The following RFX4 variants were observed in gnomAD, a reference collection of about 807,000 sequenced individuals.
The protein encoded by RFX4 is regulatory factor X4, also known as transcription factor RFX4.
In RFX4, 10 loss-of-function variants were observed where a neutral mutation model predicts 95.0. The observed-to-expected ratio is 0.11, with a 90% confidence interval of 0.06 to 0.18. The LOEUF (loss-of-function observed/expected upper bound fraction) is 0.18, where lower values mean the gene tolerates loss of function less well. Ranked by LOEUF, RFX4 falls within the 10% of genes least tolerant of loss-of-function variation. The pLI is 1.00. For missense variants in RFX4, 640 were observed against 922.0 expected (o/e 0.69, Z 3.96); for synonymous variants, 321 against 340.7 (o/e 0.94, Z 0.64).
In RFX4 at chr12:106,696,364, A is replaced by T; in HGVS notation, c.751A>T (p.Ile251Phe). The change falls in exon 8 of 18, where the codon ATT (isoleucine) becomes TTT (phenylalanine). Residue 251 changes from isoleucine (I) to phenylalanine (F), a missense_variant. Coordinates refer to ENST00000392842, the MANE Select transcript of RFX4 (RefSeq NM_213594.3). The stretch of plus-strand genomic sequence containing the variant: ...GCTGGGCTCCTCCACGGTGGTGAAC[A>T]TTGTCGGCGTGTGTGACTCCATCCT... Reference protein sequence around the residue: ...PVLGSSTVVNIVGVCDSILYK... With the variant: ...PVLGSSTVVNFVGVCDSILYK... The T allele has an allele frequency of 6.2e-7, 1 of 1,614,072 alleles. No homozygotes were observed. The highest frequency in any genetic ancestry group is 8.5e-7 in the Non-Finnish European group (1 of 1,180,002).
intron 6 of RFX4, among the ~76,000 whole-genome samples, chr12:106,688,876 T>C (rs1328873027): frequency 6.6e-6 from 1 of 152,186 alleles, no homozygotes; most frequent in Non-Finnish European, 1.5e-5. Flanking sequence ...ATTTTAACTT[T>C]CTAGTGGTCT....
intron 2 of RFX4, among the ~76,000 whole-genome samples, chr12:106,632,171 T>G (rs1400241976): frequency 6.6e-6 from 1 of 152,194 alleles, no homozygotes; most frequent in Admixed American, 6.5e-5. Context: ...GCAGAGATGC[T>G]CACCACTGCA....
At chr12:106,731,031 A>C (rs2042602671) in intron 13 of RFX4, among the ~76,000 whole-genome samples, 1 of 152,114 alleles carries the variant, frequency 6.6e-6, no homozygotes, top group South Asian at 2.1e-4. Flanking sequence ...AGCAAACTAG[A>C]AGGAAATGGG....
chr12:106,677,925 G>T (rs1280987615), intron 4 of RFX4, among the ~76,000 whole-genome samples: 1 of 152,166 alleles, frequency 6.6e-6, no homozygotes, highest in Non-Finnish European at 1.5e-5. Flanking sequence ...GAAGAGAGGA[G>T]TCAGGGAGGA....
chr12:106,754,332 A>G (rs1278900032), intron 17 of RFX4, among the ~76,000 whole-genome samples: 1 of 152,218 alleles, frequency 6.6e-6, no homozygotes, highest in African/African-American at 2.4e-5. Flanking sequence ...GCAACAGCCT[A>G]GATCACTCCG....
intron 8 of RFX4, among the ~76,000 whole-genome samples, chr12:106,698,786 A>T (rs1270834603): frequency 6.6e-6 from 1 of 151,492 alleles, no homozygotes; most frequent in Non-Finnish European, 1.5e-5. Context: ...TTCCCGATGT[A>T]GGTAATTTGT....
chr12:106,696,406 G>C lies in RFX4; in HGVS notation c.793G>C (p.Gly265Arg). 1 of 1,614,074 alleles carries C rather than the reference G, an allele frequency of 6.2e-7. No homozygotes were observed. The highest frequency in any genetic ancestry group is 8.5e-7 in the Non-Finnish European group (1 of 1,180,006). The change falls in exon 8 of 18, where the codon GGG (glycine) becomes CGG (arginine). Residue 265 changes from glycine to arginine, a missense_variant. Around this residue, in one of 7 missense-constraint regions of RFX4, gnomAD observed 96 missense variants for 183.7 expected, o/e 0.52. Transcript: ENST00000392842. ...CDSILYKAISGVLMPTVLQAL... is the reference protein window; with the variant it reads ...CDSILYKAISRVLMPTVLQAL... ...CTCCATCCTCTACAAAGCTATCTCC[G>C]GGGTGCTGATGCCCACTGTGCTGCA...
At chr12:106,607,951 G>A (rs2039872296) in intron 1 of RFX4, among the ~76,000 whole-genome samples, 1 of 152,172 alleles carries the variant, frequency 6.6e-6, no homozygotes. Context: ...CCAGCACTTT[G>A]GGAGGCCGAG....
intron 15 of RFX4, among the ~76,000 whole-genome samples, chr12:106,739,502 A>C (rs2042769589): frequency 6.6e-6 from 1 of 152,246 alleles, no homozygotes; most frequent in Non-Finnish European, 1.5e-5. Context: ...GGTAGTACAG[A>C]TAATGAGTTA....
At chr12:106,598,851 T>C (rs2039658151) in intron 1 of RFX4, among the ~76,000 whole-genome samples, 1 of 152,330 alleles carries the variant, frequency 6.6e-6, no homozygotes, top group Admixed American at 6.5e-5. Flanking sequence ...TTTTATGTTT[T>C]AATAATATTG....
At chr12:106,729,529 A>AG (rs1325640793) in intron 13 of RFX4, among the ~76,000 whole-genome samples, 1 of 152,208 alleles carries the variant, frequency 6.6e-6, no homozygotes, top group Non-Finnish European at 1.5e-5. Flanking sequence ...CAGACAGTCC[A>AG]GGGTTCAAGT....
At chr12:106,660,498 C>T (rs942591886) in intron 4 of RFX4, among the ~76,000 whole-genome samples, 2 of 152,062 alleles carry the variant, frequency 1.3e-5, no homozygotes, top group African/African-American at 4.8e-5. Flanking sequence ...AAAACAAAAA[C>T]TCTACCCACA....
At chr12:106,655,381 G>A (rs2040937004) in intron 4 of RFX4, among the ~76,000 whole-genome samples, 1 of 152,188 alleles carries the variant, frequency 6.6e-6, no homozygotes, top group Admixed American at 6.5e-5. Flanking sequence ...AACTACCTTT[G>A]GCTATTTCTT....
chr12:106,732,075 G>C (rs2042623521), intron 13 of RFX4, 55 bp from the exon 14 acceptor site: 1 of 1,598,366 alleles, frequency 6.3e-7, no homozygotes, highest in Non-Finnish European at 8.5e-7. Flanking sequence ...CCAGACAGAG[G>C]GGGCATACAC....
At position 106,720,731 on chromosome 12, in the gene RFX4, A is replaced by G; in HGVS notation, c.1234-28A>G. ...TAATAAATGAAAGGTCAAGTCGACC[A>G]CTATTAAAGCCATTTACTTTCTTGT... On this transcript the variant is annotated intron_variant, in intron 12 of 17. Coordinates refer to ENST00000392842, the MANE Select transcript of RFX4 (RefSeq NM_213594.3). This position sits in a 1 kb window ranked among gnomAD's most constrained non-coding sequence, Gnocchi z 4.2. 6.3e-7 allele frequency: 1 copy of G among 1,596,304 alleles called. No individual in the cohort carries two copies. The highest frequency in any genetic ancestry group is 2.2e-5 in the East Asian group (1 of 44,794).
At position 106,731,996 on chromosome 12, in the gene RFX4, A is replaced by C. The variant is rs915892837; in HGVS notation, c.1352-134A>C. 1.1e-5 allele frequency: 14 copies of C among 1,268,872 alleles called. No individual in the cohort carries two copies. In the South Asian group the frequency reaches 1.9e-4, roughly 18 times the overall value. The allele number at this position is 1,268,872 out of a possible 1,614,324, so 78.6% of individuals were successfully genotyped here. ...AACTGCAACCTATGACCATGAGGAGATCATAATTGAGTGGAAAATTAGACT... is the reference window on the plus strand; with the variant it reads ...AACTGCAACCTATGACCATGAGGAGCTCATAATTGAGTGGAAAATTAGACT... On this transcript the variant is annotated intron_variant, in intron 13 of 17. Coordinates refer to ENST00000392842, the MANE Select transcript of RFX4 (RefSeq NM_213594.3).
Position 106,732,286 on chromosome 12 carries a change from T to C in RFX4, c.1471+37T>C. 5 of 1,611,066 alleles carry C rather than the reference T, an allele frequency of 3.1e-6. No homozygotes were observed. The East Asian group carries it at 1.1e-4, about 36-fold the overall frequency. ...TTTTCCTGGGAATTGCACCACTTGG[T>C]AATGTTATTTGTATCCTTACTTCTG... On this transcript the variant is annotated intron_variant, in intron 14 of 17. Transcript: ENST00000392842.
chr12:106,700,938 T>A (rs913280907), intron 8 of RFX4, among the ~76,000 whole-genome samples: 8 of 152,226 alleles, frequency 5.3e-5, no homozygotes, highest in Non-Finnish European at 1.2e-4. Context: ...ATTTTATATC[T>A]GCTTTCATTC....
chr12:106,659,683 T>C (rs1007427954), intron 4 of RFX4, among the ~76,000 whole-genome samples: 2 of 152,240 alleles, frequency 1.3e-5, no homozygotes, highest in Admixed American at 6.5e-5. Flanking sequence ...GATACTGTTA[T>C]TGTTCCCATT....
Sources: allele counts gnomAD v4.1 joint callset (sites outside exome capture counted in the v4.1 genomes callset), GRCh38; gene constraint gnomAD v4.1.1; regional missense constraint gnomAD v4.1.1; non-coding constraint Gnocchi (gnomAD v3.1); transcripts MANE v1.5; gene names NCBI Gene and HGNC (gene_info 2026-07-23, HGNC 2026-07-21).